OVCH2: variants seen among roughly 807,000 people sequenced by gnomAD.
OVCH2 encodes ovochymase-2.
In OVCH2, 88 loss-of-function variants were observed where a neutral mutation model predicts 73.7. That is an observed-to-expected ratio of 1.19 (90% CI 1.01 to 1.43). The LOEUF (loss-of-function observed/expected upper bound fraction) is 1.43. Ranked by LOEUF, OVCH2 falls within the 40% of genes most tolerant of loss-of-function variation. The pLI, the probability that OVCH2 is intolerant of heterozygous loss-of-function variation, is 0.00. For synonymous variants in OVCH2, 265 were observed against 234.5 expected (o/e 1.13, Z -1.19); for missense variants, 706 against 674.5 (o/e 1.05, Z -0.52).
chr11:7,691,436 G>C, intron 13 of OVCH2, 36 bp from the exon 14 acceptor site: 5 of 1,580,704 alleles, frequency 3.2e-6, no homozygotes, highest in Non-Finnish European at 4.3e-6. Context: ...ACATTGTCAA[G>C]CACCCAGCAG....
intron 12 of OVCH2, among the ~76,000 whole-genome samples, chr11:7,693,091 A>C (rs1856253198): frequency 6.6e-6 from 1 of 152,208 alleles, no homozygotes; most frequent in African/African-American, 2.4e-5. Context: ...ATCTTGGAGC[A>C]GTTTGGTGAG....
downstream of OVCH2, among the ~76,000 whole-genome samples, chr11:7,688,821 C>A (rs1470222922): frequency 6.6e-6 from 1 of 152,150 alleles, no homozygotes; most frequent in Non-Finnish European, 1.5e-5. Flanking sequence ...AGGGAAAGCC[C>A]AGAACTTCTC....
downstream of OVCH2, among the ~76,000 whole-genome samples, chr11:7,685,208 G>A (rs1385480307): frequency 6.6e-6 from 1 of 152,142 alleles, no homozygotes; most frequent in African/African-American, 2.4e-5. Flanking sequence ...TGGAGGCTGA[G>A]CAGGGACATG....
rs767115269 is a variant in OVCH2 at position 7,696,817 on chromosome 11, G to C, written c.926-18C>G. 6.3e-7 allele frequency: 1 copy of C among 1,593,582 alleles called. No individual in the cohort carries two copies. The highest frequency in any genetic ancestry group is 8.5e-7 in the Non-Finnish European group (1 of 1,170,448). Reference sequence around the variant, plus strand: ...GCACCAGGCTGGGAGGGAAAGCCAGGAGAGTCAGGGTTAGTTATGCCAGTT... The same window carrying C: ...GCACCAGGCTGGGAGGGAAAGCCAGCAGAGTCAGGGTTAGTTATGCCAGTT... On this transcript the variant is annotated intron_variant, in intron 8 of 15. Coordinates refer to ENST00000533663, the MANE Select transcript of OVCH2 (RefSeq NM_198185.7).
intron 3 of OVCH2, among the ~76,000 whole-genome samples, chr11:7,703,485 C>T (rs200820183): frequency 7.2e-5 from 11 of 152,030 alleles, no homozygotes; most frequent in South Asian, 2.1e-4. Flanking sequence ...TAAGTAAAAA[C>T]GAATTTTACC....
Position 7,706,371 on chromosome 11 carries a change from C to T in OVCH2, c.24G>A (p.Leu8=). 2 of 1,581,970 alleles carry T rather than the reference C, an allele frequency of 1.3e-6. No individual in the cohort carries two copies. Among genetic ancestry groups the T allele is most frequent in the Non-Finnish European group, 1.7e-6 (2 of 1,161,976 alleles). Residue 8 remains leucine, a synonymous_variant, in exon 1 of 16, where the codon CTG becomes CTA. Transcript: ENST00000533663. MLISRNK[L]ILLLGIVFFE... is the part of the protein sequence containing the mutation. The stretch of plus-strand genomic sequence containing the variant: ...AAAAGACTATTCCTAGTAGTAAAAT[C>T]AGCTTGTTCCTGCTTATAAGCATTT...
chr11:7,701,610 A>G (rs1489998904), intron 5 of OVCH2, 106 bp downstream of exon 5: 11 of 1,462,044 alleles, frequency 7.5e-6, no homozygotes, highest in Middle Eastern at 1.7e-4. Context: ...ATCTTTAGAA[A>G]TGTATGCACA....
chr11:7,693,887 G>C (rs1856269055), intron 12 of OVCH2, among the ~76,000 whole-genome samples: 1 of 152,094 alleles, frequency 6.6e-6, no homozygotes, highest in Admixed American at 6.6e-5. Flanking sequence ...TGTGGGGTGG[G>C]GACTGGACAC....
chr11:7,685,172 C>T (rs1229365411), downstream of OVCH2, among the ~76,000 whole-genome samples: 3 of 152,024 alleles, frequency 2.0e-5, no homozygotes, highest in South Asian at 2.1e-4. Context: ...ACAGAGAAGT[C>T]GAGTGGCAGG....
In OVCH2 at chr11:7,704,587, T is replaced by C; in HGVS notation, c.176A>G (p.Glu59Gly). The C allele has an allele frequency of 6.2e-7, 1 of 1,611,592 alleles. No individual in the cohort carries two copies. Among genetic ancestry groups the C allele is most frequent in the Non-Finnish European group, 8.5e-7 (1 of 1,178,432 alleles). The change falls in exon 2 of 16, where the codon GAG becomes GGG. Residue 59 changes from glutamate to glycine, a missense_variant. By Grantham distance (98) the Glu-to-Gly change is moderately conservative. Transcript: ENST00000533663. Reference sequence around the variant, plus strand: ...CACCTGCCAGGGATAGGAACCCTTCTCCACTTGGCTTCCTCCAAGAATGCG... The same window carrying C: ...CACCTGCCAGGGATAGGAACCCTTCCCCACTTGGCTTCCTCCAAGAATGCG... ...FSRILGGSQV[E>G]KGSYPWQVSL...
the OVCH2 span, among the ~76,000 whole-genome samples, chr11:7,680,305 G>A: frequency 6.6e-6 from 1 of 152,226 alleles, no homozygotes; most frequent in Non-Finnish European, 1.5e-5. Context: ...GTCTACTGGA[G>A]AATTGCTCAC....
chr11:7,696,199 T>G (rs183046170), intron 10 of OVCH2, among the ~76,000 whole-genome samples: 1 of 152,268 alleles, frequency 6.6e-6, no homozygotes, highest in East Asian at 1.9e-4. Context: ...TATCTAGAGT[T>G]TATTCCTCAT....
At position 7,695,665 on chromosome 11, in the gene OVCH2, G is replaced by C. The variant is rs182504128; in HGVS notation, c.1187C>G (p.Ser396Cys). ...GACGAATTTCAGCCTTAGAGAATTA[G>C]AGCCAATAAGAATGGATGAAGGGAG... ...ESLPSSILIG[S>C]NSLRLKFVSD... Residue 396 changes from serine (S) to cysteine (C), a missense_variant, in exon 11 of 16, where the codon TCT (serine) becomes TGT (cysteine). Coordinates refer to ENST00000533663, the MANE Select transcript of OVCH2 (RefSeq NM_198185.7). 5.3e-4 allele frequency: 842 copies of C among 1,597,076 alleles called. 9 individuals carry two copies. The African/African-American group carries it at 0.013, about 24-fold the overall frequency.
At chr11:7,691,548 C>A in intron 13 of OVCH2, 148 bp from the exon 14 acceptor site, 4 of 1,099,200 alleles carry the variant, frequency 3.6e-6, no homozygotes, top group Non-Finnish European at 5.0e-6. Context: ...AGGCAGCTCA[C>A]TCCTTAATTA....
chr11:7,692,614 C>T (rs1331637260), intron 12 of OVCH2, among the ~76,000 whole-genome samples: 1 of 152,178 alleles, frequency 6.6e-6, no homozygotes. Flanking sequence ...AAAGCATTTG[C>T]ATAAGTGGGC....
intron 3 of OVCH2, 45 bp from the exon 4 acceptor site, chr11:7,702,374 T>C (rs1002065710): frequency 1.4e-6 from 2 of 1,445,796 alleles, no homozygotes; most frequent in Admixed American, 2.5e-5. Context: ...ATTGTGCCTC[T>C]GAGTACAGTT....
Position 7,695,190 on chromosome 11 carries a change from T to G in OVCH2, c.1283-2A>C. The stretch of plus-strand genomic sequence containing the variant: ...CAGTTAAGTAACTGCAACCTGAATC[T>G]GAAACGTAAGAAAAAGTCCAAACAG... On this transcript the variant is annotated splice_acceptor_variant, in intron 11 of 15. Coordinates refer to ENST00000533663, the MANE Select transcript of OVCH2 (RefSeq NM_198185.7). LOFTEE classifies it high-confidence loss of function. 6.4e-7 allele frequency: 1 copy of G among 1,554,316 alleles called. No individual in the cohort carries two copies. Among genetic ancestry groups the G allele is most frequent in the South Asian group, 1.2e-5 (1 of 82,170 alleles).
chr11:7,699,979 G>A, intron 7 of OVCH2: 1 of 253,298 alleles, frequency 3.9e-6, no homozygotes, highest in Non-Finnish European at 7.5e-6. Flanking sequence ...GTAATGGTGA[G>A]CACTCTGGAC....
chr11:7,694,612 GTT>G (rs71962313), intron 12 of OVCH2, among the ~76,000 whole-genome samples: 23 of 105,972 alleles, frequency 2.2e-4, no homozygotes, highest in African/African-American at 6.4e-4. Flanking sequence ...CAAAGTTTTT[GTT>G]TTGTTTTGTT....
Sources: gnomAD v4.1 joint callset for allele counts (sites outside exome capture counted in the v4.1 genomes callset) on GRCh38, gnomAD v4.1.1 for gene constraint, MANE v1.5 for transcripts, NCBI Gene and HGNC (gene_info 2026-07-23, HGNC 2026-07-21) for gene names.